The following SEMA5A variants were observed in gnomAD, a reference collection of about 807,000 sequenced individuals.
SEMA5A encodes the protein semaphorin 5A.
Under a neutral mutation model 135.5 loss-of-function variants are expected in SEMA5A, and 55 were observed. That is an observed-to-expected ratio of 0.41 (90% CI 0.33 to 0.51). The LOEUF is 0.51. SEMA5A is among the 20% of genes least tolerant of loss of function. The pLI is 0.37. For missense variants in SEMA5A, 1,290 were observed against 1,419.9 expected, an observed-to-expected ratio of 0.91 and a Z score of 1.47; for synonymous variants, 580 against 546.5, an observed-to-expected ratio of 1.06 and a Z score of -0.85.
At chr5:9,241,602 C>T (rs1222229261) in intron 5 of SEMA5A, among the ~76,000 whole-genome samples, 1 of 149,952 alleles carries the variant, frequency 6.7e-6, no homozygotes, top group East Asian at 2.0e-4. Context: ...TTATGGAAAA[C>T]CCATTTTATA....
intron 3 of SEMA5A, among the ~76,000 whole-genome samples, chr5:9,340,993 G>C (rs1344414371): frequency 6.6e-6 from 1 of 151,862 alleles, no homozygotes; most frequent in Non-Finnish European, 1.5e-5. Flanking sequence ...CAATTACCTA[G>C]GCTTTCCTCT....
chr5:9,507,032 T>C (rs1002775428), intron 1 of SEMA5A, among the ~76,000 whole-genome samples: 7 of 152,230 alleles, frequency 4.6e-5, no homozygotes, highest in East Asian at 1.9e-4. Flanking sequence ...ATGTTTACTC[T>C]TGTTAGAAAG....
intron 3 of SEMA5A, among the ~76,000 whole-genome samples, chr5:9,353,984 A>AG (rs962096342): frequency 6.6e-6 from 1 of 151,898 alleles, no homozygotes; most frequent in Admixed American, 6.6e-5. Flanking sequence ...AAAAAAAAAA[A>AG]AAAAGAAACA....
intron 15 of SEMA5A, among the ~76,000 whole-genome samples, chr5:9,108,710 A>G (rs1411784603): frequency 1.3e-5 from 2 of 152,208 alleles, no homozygotes; most frequent in Non-Finnish European, 2.9e-5. Flanking sequence ...TTCCTTTCTC[A>G]TTCTTGAATC....
intron 2 of SEMA5A, among the ~76,000 whole-genome samples, chr5:9,433,114 C>A (rs1049655118): frequency 6.6e-6 from 1 of 152,096 alleles, no homozygotes; most frequent in Admixed American, 6.6e-5. Flanking sequence ...ATTGTCCGAA[C>A]ATCCACAATA....
intron 5 of SEMA5A, among the ~76,000 whole-genome samples, chr5:9,283,023 C>T (rs781426857): frequency 1.3e-5 from 2 of 152,136 alleles, no homozygotes; most frequent in Non-Finnish European, 2.9e-5. Context: ...CACAGTAAGA[C>T]CAATTTTGAA....
chr5:9,247,241 C>T (rs1748529431), intron 5 of SEMA5A, among the ~76,000 whole-genome samples: 1 of 152,092 alleles, frequency 6.6e-6, no homozygotes, highest in African/African-American at 2.4e-5. Context: ...TTAGATTTCT[C>T]TTGCTTAAAA....
At position 9,042,932 on chromosome 5, in the gene SEMA5A, A is replaced by T; in HGVS notation, c.3190T>A (p.Tyr1064Asn). 1 of 1,613,910 alleles carries T rather than the reference A, an allele frequency of 6.2e-7. No homozygotes were observed. The highest frequency in any genetic ancestry group is 1.1e-5 in the South Asian group (1 of 91,080). Residue 1064 changes from tyrosine (Y) to asparagine (N), a missense_variant, in exon 23 of 23, where the codon TAC becomes AAC. By Grantham distance (143) the Tyr-to-Asn change is moderately radical. This residue lies in a region of SEMA5A where 1,029 missense variants were observed against 1,086.6 expected (regional missense o/e 0.95). Transcript: ENST00000382496. ...HLTGKTYSNA[Y>N]FTDLNNYDEY ...TCATAATTATTGAGATCTGTAAAGT[A>T]GGCATTAGAATAGGTCTTCCCAGTG...
chr5:9,288,375 G>A (rs2150578867), intron 5 of SEMA5A, among the ~76,000 whole-genome samples: 1 of 152,294 alleles, frequency 6.6e-6, no homozygotes, highest in South Asian at 2.1e-4. Flanking sequence ...GTAACCCAGT[G>A]GCAGCCAGTG....
intron 1 of SEMA5A, among the ~76,000 whole-genome samples, chr5:9,450,734 G>A (rs1044204310): frequency 6.0e-5 from 9 of 149,990 alleles, no homozygotes; most frequent in Non-Finnish European, 1.3e-4. Context: ...TAAAAGTGAA[G>A]TTATAATGTG....
intron 1 of SEMA5A, among the ~76,000 whole-genome samples, chr5:9,456,545 A>C (rs1295062132): frequency 6.6e-6 from 1 of 152,218 alleles, no homozygotes; most frequent in Non-Finnish European, 1.5e-5. Flanking sequence ...TTTAGGAGCT[A>C]ACAAAAAGCA....
In SEMA5A at chr5:9,078,864, T is replaced by C. The variant is rs545647793; in HGVS notation, c.2074-12218A>G. Among the ~76,000 whole-genome samples, 17 of 152,260 alleles carry C rather than the reference T, an allele frequency of 1.1e-4. No individual in the cohort carries two copies. The East Asian group carries it at 3.1e-3, about 28-fold the overall frequency. ...AAAATTTATATTGCATTAAAAACTC[T>C]TCATTCAGCAGCATAGGCCACTAAT... On this transcript the variant is annotated intron_variant, in intron 16 of 22. Transcript: ENST00000382496.
intron 1 of SEMA5A, among the ~76,000 whole-genome samples, chr5:9,448,628 C>A (rs948246875): frequency 1.3e-5 from 2 of 152,184 alleles, no homozygotes; most frequent in South Asian, 2.1e-4. Flanking sequence ...CCTCGTGGTA[C>A]CTGTGAAGTT....
At chr5:9,258,277 G>A (rs1017326092) in intron 5 of SEMA5A, among the ~76,000 whole-genome samples, 3 of 152,136 alleles carry the variant, frequency 2.0e-5, no homozygotes, top group African/African-American at 7.2e-5. Context: ...GAGGCTCAGG[G>A]AACCAAAATT....
chr5:9,178,941 G>A (rs75786175), intron 11 of SEMA5A, among the ~76,000 whole-genome samples: 1,965 of 152,208 alleles, frequency 0.013, 44 homozygotes, highest in African/African-American at 0.045. Context: ...CCAGTAACTC[G>A]TGTTCTACAT....
chr5:9,259,015 T>C (rs1030412549), intron 5 of SEMA5A, among the ~76,000 whole-genome samples: 31 of 152,124 alleles, frequency 2.0e-4, no homozygotes, highest in African/African-American at 7.2e-4. Context: ...AGAGGTGGGG[T>C]TTCACCATGT....
intron 8 of SEMA5A, among the ~76,000 whole-genome samples, chr5:9,203,656 A>C (rs570387466): frequency 5.8e-4 from 88 of 152,356 alleles, no homozygotes; most frequent in African/African-American, 2.0e-3. Flanking sequence ...ACATTTTAAA[A>C]ATGTAATAAA....
intron 5 of SEMA5A, among the ~76,000 whole-genome samples, chr5:9,267,308 T>C (rs1313444651): frequency 1.3e-5 from 2 of 152,196 alleles, no homozygotes; most frequent in African/African-American, 2.4e-5. Flanking sequence ...TTTGCCTCTA[T>C]ATCGCGCTAT....
At chr5:9,441,071 C>T (rs1758213809) in intron 1 of SEMA5A, among the ~76,000 whole-genome samples, 2 of 152,212 alleles carry the variant, frequency 1.3e-5, no homozygotes, top group South Asian at 4.1e-4. Flanking sequence ...AATTGACAGG[C>T]CTCTCATCAT....
Sources: allele counts gnomAD v4.1 joint callset (sites outside exome capture counted in the v4.1 genomes callset), GRCh38; gene constraint gnomAD v4.1.1; regional missense constraint gnomAD v4.1.1; transcripts MANE v1.5; gene names NCBI Gene and HGNC (gene_info 2026-07-23, HGNC 2026-07-21).